Variants in BPIFA3 observed in about 807,000 individuals in gnomAD.
The protein encoded by BPIFA3 is BPI fold containing family A member 3.
Under a neutral mutation model 29.7 loss-of-function variants are expected in BPIFA3, and 32 were observed. The observed-to-expected ratio is 1.08, with a 90% CI of 0.81 to 1.45. BPIFA3 has a LOEUF of 1.45. Among genes scored for constraint, BPIFA3 ranks in the 40% most tolerant of loss-of-function variants. BPIFA3 has a pLI of 0.00. For missense variants in BPIFA3, 323 were observed against 311.3 expected (o/e 1.04, Z -0.28); for synonymous variants, 112 against 113.7 (o/e 0.98, Z 0.10).
At chr20:33,226,892 C>A (rs986027229) in intron 5 of BPIFA3, 38 bp from the exon 6 acceptor site, 2 of 1,613,684 alleles carry the variant, frequency 1.2e-6, no homozygotes, top group South Asian at 1.1e-5. Context: ...CCTTTTCCAG[C>A]CCCTGGCCTG....
chr20:33,220,258 C>T (rs1187253688), intron 1 of BPIFA3, among the ~76,000 whole-genome samples: 1 of 151,594 alleles, frequency 6.6e-6, no homozygotes, highest in East Asian at 1.9e-4. Flanking sequence ...ATTAGCCGGG[C>T]GTGGTGGTGA....
rs1469357751 is a variant in BPIFA3 at position 33,217,546 on chromosome 20, C to G, written c.10C>G (p.Pro4Ala). Residue 4 changes from proline to alanine, a missense_variant, in exon 1 of 7, where the codon CCA becomes GCA. By Grantham distance (27) the Pro-to-Ala change is conservative (BLOSUM62 -1). Coordinates refer to ENST00000375454, the MANE Select transcript of BPIFA3 (RefSeq NM_178466.5). ...GCAGGTCCCAGACCCTATGATGTGTCCACTCTGGAGGCTCCTCATCTTCCT... is the reference window on the plus strand; with the variant it reads ...GCAGGTCCCAGACCCTATGATGTGTGCACTCTGGAGGCTCCTCATCTTCCT... MMC[P>A]LWRLLIFLGL... 1.1e-5 allele frequency: 18 copies of G among 1,614,004 alleles called. No individual in the cohort carries two copies. The highest frequency in any genetic ancestry group is 1.5e-5 in the Non-Finnish European group (18 of 1,180,002).
intron 1 of BPIFA3, among the ~76,000 whole-genome samples, chr20:33,221,793 T>C (rs1985526213): frequency 6.6e-6 from 1 of 152,258 alleles, no homozygotes; most frequent in Non-Finnish European, 1.5e-5. Flanking sequence ...GTGGTTGGCA[T>C]AAATGTATCC....
chr20:33,218,301 G>T (rs1281435614), intron 1 of BPIFA3, among the ~76,000 whole-genome samples: 1 of 152,216 alleles, frequency 6.6e-6, no homozygotes, highest in African/African-American at 2.4e-5. Context: ...GGGTCCTGGG[G>T]TAGAGGTGAA....
intron 4 of BPIFA3, 186 bp from the exon 5 acceptor site, chr20:33,226,220 C>T (rs1985771533): frequency 1.8e-6 from 1 of 569,746 alleles, no homozygotes; most frequent in Non-Finnish European, 3.1e-6. Context: ...ATAACCAGCA[C>T]TTATTAGCTG....
chr20:33,223,379 T>G (rs1985617601), intron 1 of BPIFA3: 1 of 155,842 alleles, frequency 6.4e-6, no homozygotes, highest in Admixed American at 6.3e-5. Flanking sequence ...GATTTATTCC[T>G]TTCTGGTGGA....
chr20:33,224,424 G>T lies in BPIFA3; in HGVS notation c.348G>T (p.Ser116=). The change falls in exon 3 of 7, where the codon TCG becomes TCT. Residue 116 remains serine (S), a synonymous_variant. Transcript: ENST00000375454. Reference sequence around the variant, plus strand: ...TATCATTCCATAAGGAGTGGTTCTCGGCAAATATCTCACTTGAATTTGACC... The same window carrying T: ...TATCATTCCATAAGGAGTGGTTCTCTGCAAATATCTCACTTGAATTTGACC... ...IQISFHKEWF[S]ANISLEFDLE... is the part of the protein sequence containing the mutation. 1 of 1,614,076 alleles carries T rather than the reference G, an allele frequency of 6.2e-7. No individual in the cohort carries two copies. The highest frequency in any genetic ancestry group is 1.1e-5 in the South Asian group (1 of 91,072).
intron 1 of BPIFA3, 80 bp from the exon 2 acceptor site, chr20:33,223,731 G>A: frequency 1.3e-6 from 2 of 1,516,912 alleles, no homozygotes; most frequent in Non-Finnish European, 1.8e-6. Flanking sequence ...GCACCAGCCT[G>A]CAACCCAGGC....
rs753414863 is a variant in BPIFA3 at position 33,226,394 on chromosome 20, C to T, written c.537-12C>T. On this transcript the variant is annotated splice_polypyrimidine_tract_variant and intron_variant, in intron 4 of 6. Transcript: ENST00000375454. ...GCTCTGTTCTGTTCTGTGCCTCTAC[C>T]TTTCTTTCTAGGGCTATCCCACCAA... The T allele has an allele frequency of 1.0e-5, 16 of 1,599,630 alleles. No homozygotes were observed. The South Asian group carries it at 1.8e-4, about 18-fold the overall frequency.
At position 33,223,850 on chromosome 20, in the gene BPIFA3, G is replaced by A. The variant is rs750803835; in HGVS notation, c.167G>A (p.Arg56Gln). The A allele has an allele frequency of 2.6e-5, 42 of 1,614,000 alleles. No homozygotes were observed. Among genetic ancestry groups the A allele is most frequent in the African/African-American group, 4.0e-5 (3 of 74,942 alleles). ...CTCATAAAGCACAACGCAGAAAGCC[G>A]AATTCAGAACATCCACTTTGGGGAC... ...QGLIKHNAES[R>Q]IQNIHFGDRL... The change falls in exon 2 of 7, where the codon CGA (arginine) becomes CAA (glutamine). Residue 56 changes from arginine to glutamine, a missense_variant. By Grantham distance (43) the Arg-to-Gln change is conservative. Coordinates refer to ENST00000375454, the MANE Select transcript of BPIFA3 (RefSeq NM_178466.5).
In BPIFA3 at chr20:33,223,697, C is replaced by T. The variant is rs1227034325; in HGVS notation, c.128-114C>T. ...CTCCATGGGGAGGTGGTGACATGCA[C>T]CACTCACTAAGCAATCAGATCTTGC... On this transcript the variant is annotated intron_variant, in intron 1 of 6. Coordinates refer to ENST00000375454, the MANE Select transcript of BPIFA3 (RefSeq NM_178466.5). 6 of 1,141,502 alleles carry T rather than the reference C, an allele frequency of 5.3e-6. No individual in the cohort carries two copies. The African/African-American group carries it at 6.2e-5, about 12-fold the overall frequency. The allele number at this position is 1,141,502 out of a possible 1,614,324, so 70.7% of individuals were successfully genotyped here.
At chr20:33,224,710 G>C (rs1196727708) in intron 3 of BPIFA3, among the ~76,000 whole-genome samples, 1 of 152,160 alleles carries the variant, frequency 6.6e-6, no homozygotes, top group Non-Finnish European at 1.5e-5. Flanking sequence ...CAACAACTGG[G>C]CTTGATTAAA....
intron 4 of BPIFA3, 87 bp from the exon 5 acceptor site, chr20:33,226,319 G>A: frequency 1.0e-6 from 1 of 966,070 alleles, no homozygotes; most frequent in South Asian, 1.4e-5. Context: ...CTAAAAGACT[G>A]TGGAAAGTAT....
At position 33,226,382 on chromosome 20, in the gene BPIFA3, C is replaced by T. The variant is rs760336832; in HGVS notation, c.537-24C>T. 7 of 1,551,934 alleles carry T rather than the reference C, an allele frequency of 4.5e-6. No homozygotes were observed. In the South Asian group the frequency reaches 7.8e-5, roughly 17 times the overall value. ...ATTGCCTGGATTGCTCTGTTCTGTT[C>T]TGTGCCTCTACCTTTCTTTCTAGGG... On this transcript the variant is annotated intron_variant, in intron 4 of 6. Coordinates refer to ENST00000375454, the MANE Select transcript of BPIFA3 (RefSeq NM_178466.5).
chr20:33,222,990 A>G (rs555817489), intron 1 of BPIFA3, among the ~76,000 whole-genome samples: 2 of 152,272 alleles, frequency 1.3e-5, no homozygotes, highest in South Asian at 4.1e-4. Flanking sequence ...GAACCCTGTG[A>G]GGTACTGCCC....
At chr20:33,224,015 C>G in intron 2 of BPIFA3, 54 bp downstream of exon 2, 1 of 1,588,640 alleles carries the variant, frequency 6.3e-7, no homozygotes, top group East Asian at 2.2e-5. Context: ...AGCTCTAGAT[C>G]GAAGGGTAGA....
chr20:33,226,287 C>T (rs749140463), intron 4 of BPIFA3, 119 bp from the exon 5 acceptor site: 5 of 735,678 alleles, frequency 6.8e-6, no homozygotes, highest in Non-Finnish European at 9.3e-6. Context: ...AATGATACTT[C>T]TGGCATGGGG....
At chr20:33,224,776 G>A (rs1169423233) in intron 3 of BPIFA3, among the ~76,000 whole-genome samples, 6 of 152,192 alleles carry the variant, frequency 3.9e-5, no homozygotes, top group Non-Finnish European at 7.4e-5. Flanking sequence ...CCATCCTCCT[G>A]TTCAAACTAT....
chr20:33,226,714 T>C (rs931848328), intron 5 of BPIFA3, among the ~76,000 whole-genome samples: 2 of 152,206 alleles, frequency 1.3e-5, no homozygotes, highest in African/African-American at 2.4e-5. Context: ...GGATCCACCA[T>C]AGTCTCTATC....
Sources: gnomAD v4.1 joint callset for allele counts (sites outside exome capture counted in the v4.1 genomes callset) on GRCh38, gnomAD v4.1.1 for gene constraint, MANE v1.5 for transcripts, NCBI Gene and HGNC (gene_info 2026-07-23, HGNC 2026-07-21) for gene names.